Variants in ADAMTS20 observed in about 807,000 individuals in gnomAD.
ADAMTS20 encodes the protein ADAM metallopeptidase with thrombospondin type 1 motif 20.
A neutral mutation model predicts 260.1 loss-of-function variants in ADAMTS20; 225 were observed. The ratio of observed to expected loss-of-function variants is 0.87; its 90% CI spans 0.78 to 0.97. The LOEUF is 0.97. ADAMTS20 is among the 50% of genes least tolerant of loss of function. ADAMTS20 has a pLI of 0.00. For missense variants in ADAMTS20, 2,400 were observed against 2,337.7 expected, an observed-to-expected ratio of 1.03 and a Z score of -0.55; for synonymous variants, 802 against 769.5, an observed-to-expected ratio of 1.04 and a Z score of -0.70.
At chr12:43,363,413 G>T (rs2137189555) in intron 37 of ADAMTS20, among the ~76,000 whole-genome samples, 1 of 152,210 alleles carries the variant, frequency 6.6e-6, no homozygotes, top group East Asian at 1.9e-4. Flanking sequence ...CACTAGGCCT[G>T]AAATGTCCCC....
chr12:43,471,023 C>T (rs1049307633), intron 7 of ADAMTS20, among the ~76,000 whole-genome samples: 1 of 152,160 alleles, frequency 6.6e-6, no homozygotes, highest in Non-Finnish European at 1.5e-5. Context: ...CTACAGCTCC[C>T]AGCGTGAGCG....
chr12:43,545,128 A>G (rs1386489420), intron 2 of ADAMTS20, among the ~76,000 whole-genome samples: 2 of 152,112 alleles, frequency 1.3e-5, no homozygotes, highest in Non-Finnish European at 2.9e-5. Context: ...CTCCTTCCCC[A>G]CTGCAACATT....
intron 28 of ADAMTS20, among the ~76,000 whole-genome samples, chr12:43,408,933 A>C (rs555966583): frequency 6.6e-6 from 1 of 152,320 alleles, no homozygotes; most frequent in African/African-American, 2.4e-5. Flanking sequence ...TTACATCTCA[A>C]GGTGGTTGTG....
At position 43,550,969 on chromosome 12, in the gene ADAMTS20, G is replaced by A; in HGVS notation, c.393C>T (p.Tyr131=). Residue 131 remains tyrosine (Y), a synonymous_variant, in exon 2 of 39, where the codon TAC becomes TAT. Coordinates refer to ENST00000389420, the MANE Select transcript of ADAMTS20 (RefSeq NM_025003.5). ...CCTCCTGTGAGTTGACCTGGCCGCG[G>A]TAGAAGCAGTGGCGCAGGTCCGAGG... ...AGPSDLRHCF[Y]RGQVNSQEDY... is the part of the protein sequence containing the mutation. 6.2e-7 allele frequency: 1 copy of A among 1,605,270 alleles called. No homozygotes were observed. Among genetic ancestry groups the A allele is most frequent in the Non-Finnish European group, 8.5e-7 (1 of 1,173,968 alleles).
At position 43,494,602 on chromosome 12, in the gene ADAMTS20, G is replaced by T. The variant is rs572590731; in HGVS notation, c.868-1349C>A. On this transcript the variant is annotated intron_variant, in intron 4 of 38. Coordinates refer to ENST00000389420, the MANE Select transcript of ADAMTS20 (RefSeq NM_025003.5). The stretch of plus-strand genomic sequence containing the variant: ...TTGGCTCTGGTGGTAGCATGTTTTG[G>T]CAAGAGTGGAGGTAGCCCCAGTGGG... 6.6e-5 allele frequency among the ~76,000 whole-genome samples: 10 copies of T among 152,306 alleles called. No homozygotes were observed. The East Asian group carries it at 1.7e-3, about 26-fold the overall frequency.
At chr12:43,417,651 A>C (rs1217430535) in intron 28 of ADAMTS20, among the ~76,000 whole-genome samples, 1 of 152,224 alleles carries the variant, frequency 6.6e-6, no homozygotes, top group East Asian at 1.9e-4. Flanking sequence ...AGAGTTTCTA[A>C]GTCACAGTCT....
chr12:43,488,154 G>A (rs1055431657), intron 7 of ADAMTS20, among the ~76,000 whole-genome samples: 2 of 151,974 alleles, frequency 1.3e-5, no homozygotes, highest in African/African-American at 4.8e-5. Flanking sequence ...GGGGAGTTGA[G>A]CGAGGGAAGA....
chr12:43,376,516 C>G lies in ADAMTS20; in HGVS notation c.5125+8G>C. 1.9e-6 allele frequency: 3 copies of G among 1,606,948 alleles called. No homozygotes were observed. Among genetic ancestry groups the G allele is most frequent in the Non-Finnish European group, 8.5e-7 (1 of 1,178,010 alleles). On this transcript the variant is annotated splice_region_variant and intron_variant, in intron 33 of 38. Transcript: ENST00000389420. Reference sequence around the variant, plus strand: ...TTAGGTATTAGATTTTTGAAGTCTACTACTTACAGTCATTGGCATAACATT... The same window carrying G: ...TTAGGTATTAGATTTTTGAAGTCTAGTACTTACAGTCATTGGCATAACATT...
intron 2 of ADAMTS20, among the ~76,000 whole-genome samples, chr12:43,546,955 C>T (rs1943448712): frequency 6.6e-6 from 1 of 152,102 alleles, no homozygotes; most frequent in South Asian, 2.1e-4. Context: ...CTGCCAGACT[C>T]TTAGACTCTT....
At chr12:43,375,082 G>A (rs1940191742) in intron 36 of ADAMTS20, among the ~76,000 whole-genome samples, 1 of 144,060 alleles carries the variant, frequency 6.9e-6, no homozygotes, top group Non-Finnish European at 1.5e-5. Flanking sequence ...TGAGGCAGGA[G>A]AATCGCTTGA....
chr12:43,458,533 C>G (rs929623468), intron 11 of ADAMTS20, among the ~76,000 whole-genome samples: 9 of 152,222 alleles, frequency 5.9e-5, no homozygotes. Flanking sequence ...TTGTTGGAAA[C>G]TCATTTACCC....
chr12:43,521,045 C>T (rs1412858847), intron 3 of ADAMTS20, among the ~76,000 whole-genome samples: 1 of 152,210 alleles, frequency 6.6e-6, no homozygotes, highest in Non-Finnish European at 1.5e-5. Flanking sequence ...CAGCTCAGTT[C>T]CTTCATGATA....
intron 2 of ADAMTS20, among the ~76,000 whole-genome samples, chr12:43,537,916 G>T (rs182553725): frequency 3.9e-5 from 6 of 152,212 alleles, no homozygotes; most frequent in Non-Finnish European, 7.4e-5. Context: ...CTATTCATCT[G>T]TTGATGGACA....
At chr12:43,378,888 A>G (rs867278300) in intron 31 of ADAMTS20, among the ~76,000 whole-genome samples, 2 of 152,328 alleles carry the variant, frequency 1.3e-5, no homozygotes. Context: ...GAAACTGACC[A>G]AAGACTTGCA....
Position 43,500,507 on chromosome 12 carries a change from T to G in ADAMTS20, c.867+1645A>C, listed in dbSNP as rs535991213. On this transcript the variant is annotated intron_variant, in intron 4 of 38. Coordinates refer to ENST00000389420, the MANE Select transcript of ADAMTS20 (RefSeq NM_025003.5). Reference sequence around the variant, plus strand: ...ATACCAACATTTAGATAATTATTCATCTAGGTAATATATGTAGGTAATTTT... The same window carrying G: ...ATACCAACATTTAGATAATTATTCAGCTAGGTAATATATGTAGGTAATTTT... 2.6e-5 allele frequency among the ~76,000 whole-genome samples: 4 copies of G among 152,348 alleles called. No individual in the cohort carries two copies. The East Asian group carries it at 7.7e-4, about 29-fold the overall frequency.
chr12:43,459,670 T>A (rs951315657), intron 11 of ADAMTS20, among the ~76,000 whole-genome samples: 1 of 152,200 alleles, frequency 6.6e-6, no homozygotes, highest in African/African-American at 2.4e-5. Context: ...CCTTGTTAAA[T>A]CTTTGCTGAT....
rs371936392 is a variant in ADAMTS20 at position 43,532,142 on chromosome 12, C to A, written c.507G>T (p.Lys169Asn). The change falls in exon 3 of 39, where the codon AAG becomes AAT. Residue 169 changes from lysine to asparagine, a missense_variant. Transcript: ENST00000389420. ...NGEYFLEPIM[K>N]ADGNEYEDGH... ...CATCTTCATATTCATTCCCATCTGCCTTCATTATAGGTTCTAAGAAATATT... is the reference window on the plus strand; with the variant it reads ...CATCTTCATATTCATTCCCATCTGCATTCATTATAGGTTCTAAGAAATATT... The A allele has an allele frequency of 3.1e-6, 5 of 1,611,874 alleles. No homozygotes were observed. Among genetic ancestry groups the A allele is most frequent in the Non-Finnish European group, 4.2e-6 (5 of 1,178,954 alleles).
In ADAMTS20 at chr12:43,532,764, C is replaced by T. The variant is rs1297783686; in HGVS notation, c.454-569G>A. 1.8e-4 allele frequency among the ~76,000 whole-genome samples: 13 copies of T among 73,178 alleles called. No individual in the cohort carries two copies. In the East Asian group the frequency reaches 5.4e-3, roughly 30 times the overall value. The allele number at this position is 73,178 out of a possible 152,430, so 48.0% of individuals were successfully genotyped here. ...ATTCCCCTTCCTGTGTCCATGTGAT[C>T]TCATTGTTCAATTCCCACCTATGAG... On this transcript the variant is annotated intron_variant, in intron 2 of 38. Coordinates refer to ENST00000389420, the MANE Select transcript of ADAMTS20 (RefSeq NM_025003.5).
intron 7 of ADAMTS20, among the ~76,000 whole-genome samples, chr12:43,484,745 C>A (rs973048136): frequency 1.3e-5 from 2 of 152,000 alleles, no homozygotes; most frequent in African/African-American, 4.8e-5. Context: ...GAAGAAAAAT[C>A]AAAAAGTTTG....
Sources: allele counts gnomAD v4.1 joint callset (sites outside exome capture counted in the v4.1 genomes callset), GRCh38; gene constraint gnomAD v4.1.1; transcripts MANE v1.5; gene names NCBI Gene and HGNC (gene_info 2026-07-23, HGNC 2026-07-21).